Variants in DIS3L2 observed in about 807,000 individuals in gnomAD.
DIS3L2 encodes the protein DIS3 like 3'-5' exoribonuclease 2, also known as DIS3-like exonuclease 2.
DIS3L2 carries 34 observed loss-of-function variants against 97.5 expected under a neutral mutation model. The ratio of observed to expected loss-of-function variants is 0.35; its 90% confidence interval spans 0.27 to 0.46. The LOEUF (loss-of-function observed/expected upper bound fraction) is 0.46. Ranked by LOEUF, DIS3L2 falls within the 20% of genes least tolerant of loss-of-function variation. The pLI is 1.00. For missense variants in DIS3L2, 1,038 were observed against 1,146.0 expected (o/e 0.91, Z 1.36); for synonymous variants, 435 against 445.2 (o/e 0.98, Z 0.29).
intron 16 of DIS3L2, among the ~76,000 whole-genome samples, chr2:232,333,236 T>TCCTCCTCCTCCTCCTCCTCCGCTGTCG (rs1559218650): frequency 2.0e-5 from 1 of 50,902 alleles, no homozygotes; most frequent in Non-Finnish European, 3.4e-5. Context: ...CGCCTCCTCC[T>TCCTCCTCCTCCTCCTCCTCCGCTGTCG]CCTCCTCCTC....
chr2:232,340,589 C>T (rs571502877), downstream of DIS3L2: 48 of 431,696 alleles, frequency 1.1e-4, 1 homozygote, highest in South Asian at 8.0e-4. Context: ...AGACTACAGC[C>T]CTCGTGCCCA....
Position 232,173,173 on chromosome 2 carries a change from G to T in DIS3L2, c.1124+9541G>T, listed in dbSNP as rs189472594. Among the ~76,000 whole-genome samples, 228 of 152,214 alleles carry T rather than the reference G, an allele frequency of 1.5e-3. 2 individuals are homozygous for T. The highest frequency in any genetic ancestry group is 5.2e-3 in the African/African-American group (216 of 41,540). Reference sequence around the variant, plus strand: ...TAGTCTGTTTTTTCTTTGGTTGCTTGTGTTTTTGGTGTCATATCTATAAAA... The same window carrying T: ...TAGTCTGTTTTTTCTTTGGTTGCTTTTGTTTTTGGTGTCATATCTATAAAA... On this transcript the variant is annotated intron_variant, in intron 9 of 20. Coordinates refer to ENST00000325385, the MANE Select transcript of DIS3L2 (RefSeq NM_152383.5).
At chr2:232,246,916 A>C (rs1276063431) in intron 11 of DIS3L2, among the ~76,000 whole-genome samples, 3 of 152,306 alleles carry the variant, frequency 2.0e-5, no homozygotes, top group Non-Finnish European at 2.9e-5. Context: ...GAAATAGCTA[A>C]ACTCCTTACT....
intron 8 of DIS3L2, among the ~76,000 whole-genome samples, chr2:232,139,160 AACC>A (rs774306272): frequency 1.3e-5 from 2 of 152,226 alleles, no homozygotes; most frequent in Non-Finnish European, 2.9e-5. Flanking sequence ...TTCTTTTAAA[AACC>A]AGAGCAGGAA....
Position 232,175,784 on chromosome 2 carries a change from G to T in DIS3L2, c.1124+12152G>T, listed in dbSNP as rs898478306. Reference sequence around the variant, plus strand: ...GGCCCTGTGCTTTTGTGTGTGTGTCGGCGATGGGTGGGGGGGTGGTTTGTT... The same window carrying T: ...GGCCCTGTGCTTTTGTGTGTGTGTCTGCGATGGGTGGGGGGGTGGTTTGTT... On this transcript the variant is annotated intron_variant, in intron 9 of 20. Transcript: ENST00000325385. 2.0e-5 allele frequency among the ~76,000 whole-genome samples: 3 copies of T among 152,000 alleles called. No individual in the cohort carries two copies. In the East Asian group the frequency reaches 5.8e-4, roughly 29 times the overall value.
intron 8 of DIS3L2, among the ~76,000 whole-genome samples, chr2:232,153,830 A>G (rs1308413617): frequency 2.0e-5 from 3 of 152,142 alleles, no homozygotes; most frequent in Admixed American, 6.5e-5. Flanking sequence ...CATCACTTTC[A>G]GAGTGACACC....
intron 1 of DIS3L2, among the ~76,000 whole-genome samples, chr2:231,983,221 G>A (rs1693311565): frequency 6.6e-6 from 1 of 152,146 alleles, no homozygotes; most frequent in Non-Finnish European, 1.5e-5. Context: ...GGCTGCCATA[G>A]GAAAGTATCA....
intron 6 of DIS3L2, among the ~76,000 whole-genome samples, chr2:232,126,924 C>G (rs1176978419): frequency 5.9e-5 from 9 of 152,184 alleles, no homozygotes; most frequent in Admixed American, 5.9e-4. Flanking sequence ...TGGCCTTTGT[C>G]TGGAGTGGCC....
chr2:232,223,893 G>C (rs774836421), intron 10 of DIS3L2, among the ~76,000 whole-genome samples: 1 of 152,186 alleles, frequency 6.6e-6, no homozygotes, highest in African/African-American at 2.4e-5. Flanking sequence ...TTTGAGACCA[G>C]CCTTGGCAAC....
chr2:232,183,910 C>G (rs1258400599), intron 9 of DIS3L2, among the ~76,000 whole-genome samples: 1 of 152,142 alleles, frequency 6.6e-6, no homozygotes, highest in Admixed American at 6.5e-5. Flanking sequence ...TAAACCTGTT[C>G]TTGCCACTCC....
At chr2:231,986,958 C>G (rs1693430717) in intron 1 of DIS3L2, among the ~76,000 whole-genome samples, 1 of 152,128 alleles carries the variant, frequency 6.6e-6, no homozygotes, top group Non-Finnish European at 1.5e-5. Flanking sequence ...TCATCTGTTG[C>G]TTTTAGTTGG....
intron 10 of DIS3L2, among the ~76,000 whole-genome samples, chr2:232,211,033 T>C (rs140740580): frequency 3.3e-5 from 5 of 152,124 alleles, no homozygotes; most frequent in East Asian, 3.9e-4. Context: ...GAAATTATAG[T>C]TGGAGGAAGG....
chr2:232,127,498 C>T (rs1698095313), intron 6 of DIS3L2, among the ~76,000 whole-genome samples: 1 of 152,220 alleles, frequency 6.6e-6, no homozygotes, highest in South Asian at 2.1e-4. Context: ...GCTCCAGCCT[C>T]TCATGCCTTG....
intron 15 of DIS3L2, 108 bp from the exon 16 acceptor site, chr2:232,330,582 A>T (rs1695705962): frequency 5.3e-6 from 6 of 1,134,402 alleles, no homozygotes; most frequent in Non-Finnish European, 7.9e-6. Flanking sequence ...CCCCACAGGC[A>T]ACTCCTCCCC....
intron 9 of DIS3L2, among the ~76,000 whole-genome samples, chr2:232,206,929 A>G (rs942578551): frequency 6.6e-6 from 1 of 152,188 alleles, no homozygotes; most frequent in African/African-American, 2.4e-5. Context: ...AAATGTCTAA[A>G]TGGGAATTAT....
intron 14 of DIS3L2, among the ~76,000 whole-genome samples, chr2:232,314,925 C>T (rs1695229097): frequency 6.6e-6 from 1 of 152,210 alleles, no homozygotes; most frequent in Non-Finnish European, 1.5e-5. Flanking sequence ...CCTGCCACAT[C>T]CATACCTTTC....
In DIS3L2 at chr2:232,130,707, A is replaced by G. The variant is rs747395729; in HGVS notation, c.690A>G (p.Gln230=). 5.6e-5 allele frequency: 91 copies of G among 1,613,854 alleles called. No homozygotes were observed. The highest frequency in any genetic ancestry group is 8.5e-7 in the Non-Finnish European group (1 of 1,179,934). ...GAGCTTTATCGGAGAAATCCCTGCA[A>G]AGATCAGCAAAGGTCATTGCCTACA... is the stretch of plus-strand genomic sequence containing the variant. The part of the protein sequence containing the change: ...DTRALSEKSL[Q]RSAKVVYILE... The change falls in exon 7 of 21, where the codon CAA becomes CAG. Residue 230 remains glutamine (Q), a synonymous_variant. Transcript: ENST00000325385.
intron 9 of DIS3L2, among the ~76,000 whole-genome samples, chr2:232,191,912 G>A (rs1457354215): frequency 1.3e-5 from 2 of 151,976 alleles, no homozygotes; most frequent in African/African-American, 2.4e-5. Context: ...ATATTAAGTC[G>A]CTACTCTAAT....
At chr2:232,278,242 A>G (rs766489979) in intron 13 of DIS3L2, among the ~76,000 whole-genome samples, 1 of 152,056 alleles carries the variant, frequency 6.6e-6, no homozygotes, top group African/African-American at 2.4e-5. Context: ...ACCATTTTAT[A>G]TGGTATCACT....
Sources: allele counts gnomAD v4.1 joint callset (sites outside exome capture counted in the v4.1 genomes callset), GRCh38; gene constraint gnomAD v4.1.1; transcripts MANE v1.5; gene names NCBI Gene and HGNC (gene_info 2026-07-23, HGNC 2026-07-21).